The following PPP3CA variants were observed in gnomAD, a reference collection of about 807,000 sequenced individuals.
PPP3CA encodes protein phosphatase 3 catalytic subunit alpha, also known as CAM-PRP catalytic subunit.
A neutral mutation model predicts 66.5 loss-of-function variants in PPP3CA; 14 were observed. The ratio of observed to expected loss-of-function variants is 0.21; its 90% CI spans 0.14 to 0.33. PPP3CA has a LOEUF of 0.33. Ranked by LOEUF, PPP3CA falls within the 10% of genes least tolerant of loss-of-function variation. The pLI is 1.00. For missense variants in PPP3CA, 317 were observed against 639.5 expected, an observed-to-expected ratio of 0.50 and a Z score of 5.44; for synonymous variants, 232 against 226.2, an observed-to-expected ratio of 1.03 and a Z score of -0.23.
At chr4:101,161,965 C>T (rs1055017750) in intron 2 of PPP3CA, among the ~76,000 whole-genome samples, 1 of 152,136 alleles carries the variant, frequency 6.6e-6, no homozygotes, top group African/African-American at 2.4e-5. Context: ...ATAGGCCGGG[C>T]GCGGTGACTC....
In PPP3CA at chr4:101,053,300, G is replaced by A. The variant is rs1728089608; in HGVS notation, c.1156+7787C>T. 2.0e-5 allele frequency among the ~76,000 whole-genome samples: 3 copies of A among 152,018 alleles called. No homozygotes were observed. In the South Asian group the frequency reaches 6.2e-4, roughly 32 times the overall value. ...CTGATGTCTGATAGCCAAAGTTATGGTCCTAATTCTGGCCAGACTTATATC... is the reference window on the plus strand; with the variant it reads ...CTGATGTCTGATAGCCAAAGTTATGATCCTAATTCTGGCCAGACTTATATC... On this transcript the variant is annotated intron_variant, in intron 10 of 13. Coordinates refer to ENST00000394854, the MANE Select transcript of PPP3CA (RefSeq NM_000944.5).
At chr4:101,330,704 C>T (rs1025737301) in intron 1 of PPP3CA, among the ~76,000 whole-genome samples, 1 of 152,008 alleles carries the variant, frequency 6.6e-6, no homozygotes, top group Non-Finnish European at 1.5e-5. Context: ...TATAAAGCCA[C>T]AATATCTCTA....
At chr4:101,170,952 T>A in intron 2 of PPP3CA, 1 of 273,872 alleles carries the variant, frequency 3.7e-6, no homozygotes, top group Non-Finnish European at 7.2e-6. Context: ...GGGCAAATAA[T>A]CATTTTGGTA....
chr4:101,184,665 G>A (rs1214070884), intron 2 of PPP3CA, among the ~76,000 whole-genome samples: 1 of 152,056 alleles, frequency 6.6e-6, no homozygotes, highest in Non-Finnish European at 1.5e-5. Flanking sequence ...AATTATACAT[G>A]TAGCTCACAC....
At chr4:101,029,320 C>A in intron 12 of PPP3CA, 125 bp from the exon 13 acceptor site, 1 of 338,014 alleles carries the variant, frequency 3.0e-6, no homozygotes, top group Non-Finnish European at 5.3e-6. Context: ...GTGCTAGATT[C>A]TGGCACAGAC....
At chr4:101,174,090 C>CA (rs1480858220) in intron 2 of PPP3CA, among the ~76,000 whole-genome samples, 2 of 151,348 alleles carry the variant, frequency 1.3e-5, no homozygotes, top group African/African-American at 4.9e-5. Context: ...AAAACTACGC[C>CA]CCCCCCACCC....
chr4:101,166,675 C>T (rs925807062), intron 2 of PPP3CA, among the ~76,000 whole-genome samples: 5 of 152,112 alleles, frequency 3.3e-5, no homozygotes, highest in African/African-American at 9.7e-5. Flanking sequence ...ATGGTTATTA[C>T]ACTCTATGAA....
chr4:101,302,073 T>C (rs1012011201), intron 1 of PPP3CA, among the ~76,000 whole-genome samples: 2 of 152,186 alleles, frequency 1.3e-5, no homozygotes, highest in African/African-American at 4.8e-5. Flanking sequence ...ATAGAGATTA[T>C]GTATACTTTT....
intron 2 of PPP3CA, among the ~76,000 whole-genome samples, chr4:101,130,051 C>G (rs368523912): frequency 6.6e-6 from 1 of 151,912 alleles, no homozygotes. Context: ...TAGAGAAGAA[C>G]ATAAATGACC....
chr4:101,170,677 G>C (rs1032307144), intron 2 of PPP3CA, among the ~76,000 whole-genome samples: 6 of 151,972 alleles, frequency 3.9e-5, no homozygotes, highest in Admixed American at 1.3e-4. Flanking sequence ...ACTTTTCTTA[G>C]ATATACCTAT....
At chr4:101,226,892 GAAC>G (rs1725800074) in intron 1 of PPP3CA, among the ~76,000 whole-genome samples, 1 of 151,680 alleles carries the variant, frequency 6.6e-6, no homozygotes, top group Admixed American at 6.6e-5. Flanking sequence ...AGAGAAAAGA[GAAC>G]AGATTTACAA....
intron 8 of PPP3CA, among the ~76,000 whole-genome samples, chr4:101,070,493 G>A (rs1292925473): frequency 6.6e-6 from 1 of 152,156 alleles, no homozygotes; most frequent in African/African-American, 2.4e-5. Flanking sequence ...GCAACTGCAT[G>A]AACTTGGGCA....
intron 8 of PPP3CA, among the ~76,000 whole-genome samples, chr4:101,075,054 C>T (rs1042175598): frequency 3.4e-4 from 52 of 152,148 alleles, no homozygotes; most frequent in African/African-American, 1.2e-3. Context: ...ATTTATAAAA[C>T]CATCAGATCT....
intron 1 of PPP3CA, among the ~76,000 whole-genome samples, chr4:101,241,042 TTTTTTGTAGA>T (rs1316174917): frequency 6.6e-6 from 1 of 152,034 alleles, no homozygotes; most frequent in Non-Finnish European, 1.5e-5. Context: ...TAATTTTTAA[TTTTTTGTAGA>T]GACAGCGTCT....
chr4:101,274,113 T>C (rs1727416993), intron 1 of PPP3CA, among the ~76,000 whole-genome samples: 1 of 152,130 alleles, frequency 6.6e-6, no homozygotes, highest in African/African-American at 2.4e-5. Context: ...AAGACCAGCC[T>C]GGCCAACATG....
At chr4:101,053,916 C>T (rs937312121) in intron 10 of PPP3CA, among the ~76,000 whole-genome samples, 69 of 151,952 alleles carry the variant, frequency 4.5e-4, no homozygotes, top group African/African-American at 1.7e-3. Context: ...TTATTAAGTT[C>T]CTAAATTATA....
At chr4:101,134,204 C>A (rs1403559584) in intron 2 of PPP3CA, among the ~76,000 whole-genome samples, 17 of 152,078 alleles carry the variant, frequency 1.1e-4, no homozygotes, top group Non-Finnish European at 7.4e-5. Context: ...ACTAAAACAC[C>A]AAAAGCAATG....
rs191066522 is a variant in PPP3CA at position 101,257,835 on chromosome 4, C to T, written c.59-61719G>A. ...GAACATTTTACATTTGTCTCTCTAT[C>T]ATCAATGTGGACAATTCTAAAGGTA... On this transcript the variant is annotated intron_variant, in intron 1 of 13. Coordinates refer to ENST00000394854, the MANE Select transcript of PPP3CA (RefSeq NM_000944.5). 1.3e-3 allele frequency among the ~76,000 whole-genome samples: 199 copies of T among 152,212 alleles called. No individual in the cohort carries two copies. In the Middle Eastern group the frequency reaches 0.017, roughly 13 times the overall value.
intron 5 of PPP3CA, among the ~76,000 whole-genome samples, chr4:101,096,152 A>G (rs1424692023): frequency 6.6e-6 from 1 of 152,162 alleles, no homozygotes; most frequent in Non-Finnish European, 1.5e-5. Context: ...TTTCTTTCCA[A>G]TAGGAAAGTA....
Sources: allele counts gnomAD v4.1 joint callset (sites outside exome capture counted in the v4.1 genomes callset), GRCh38; gene constraint gnomAD v4.1.1; transcripts MANE v1.5; gene names NCBI Gene and HGNC (gene_info 2026-07-23, HGNC 2026-07-21).